The following AGBL4 variants were observed in gnomAD, a reference collection of about 807,000 sequenced individuals.
AGBL4 encodes the protein AGBL carboxypeptidase 4.
A neutral mutation model predicts 66.4 loss-of-function variants in AGBL4; 58 were observed. The observed-to-expected ratio is 0.87, with a 90% CI of 0.71 to 1.09. The LOEUF (loss-of-function observed/expected upper bound fraction) is 1.09. Among genes scored for constraint, AGBL4 ranks in the 50% least tolerant of loss-of-function variants. The pLI is 0.00. For missense variants in AGBL4, 579 were observed against 631.0 expected (o/e 0.92, Z 0.88); for synonymous variants, 234 against 222.9 (o/e 1.05, Z -0.44).
downstream of AGBL4, among the ~76,000 whole-genome samples, chr1:48,529,153 G>C (rs777241765): frequency 1.2e-4 from 18 of 151,952 alleles, no homozygotes; most frequent in Non-Finnish European, 2.5e-4. Context: ...ATAAAACCTA[G>C]GTCCCTGGCT....
intron 4 of AGBL4, among the ~76,000 whole-genome samples, chr1:49,206,935 G>A (rs1648194341): frequency 6.6e-6 from 1 of 150,404 alleles, no homozygotes; most frequent in South Asian, 2.1e-4. Flanking sequence ...TAGGAACCAG[G>A]TGGGCGGAAT....
intron 4 of AGBL4, among the ~76,000 whole-genome samples, chr1:49,179,576 T>G (rs920486364): frequency 6.6e-6 from 1 of 151,888 alleles, no homozygotes; most frequent in Non-Finnish European, 1.5e-5. Context: ...GGAGCAATAT[T>G]CAGAAGTCAA....
chr1:49,213,976 G>C (rs1648876873), intron 4 of AGBL4, among the ~76,000 whole-genome samples: 1 of 152,064 alleles, frequency 6.6e-6, no homozygotes, highest in Non-Finnish European at 1.5e-5. Context: ...AATTTACTTT[G>C]TATGCCAAGC....
At chr1:49,498,864 C>A (rs943904350) in intron 3 of AGBL4, among the ~76,000 whole-genome samples, 4 of 152,022 alleles carry the variant, frequency 2.6e-5, no homozygotes, top group Non-Finnish European at 4.4e-5. Flanking sequence ...CACGTTTATA[C>A]ATTTAAATTA....
rs147005224 is a variant in AGBL4, at chr1:49,604,607, C to T, written c.282+92706G>A. 3.2e-4 allele frequency among the ~76,000 whole-genome samples: 49 copies of T among 152,024 alleles called. No individual in the cohort carries two copies. In the East Asian group the frequency reaches 9.5e-3, roughly 29 times the overall value. On this transcript the variant is annotated intron_variant, in intron 3 of 13. Transcript: ENST00000371839. ...TCCCATTAATTTGTTCTGTTTTTGT[C>T]GCATTTGCTTTAGGGGTCTTAATTT...
downstream of AGBL4, among the ~76,000 whole-genome samples, chr1:48,530,603 C>T (rs558127359): frequency 6.6e-6 from 1 of 152,278 alleles, no homozygotes; most frequent in South Asian, 2.1e-4. Flanking sequence ...TCACCAACCT[C>T]CTCTGCTGGG....
At position 49,918,449 on chromosome 1, in the gene AGBL4, T is replaced by C. The variant is rs534341723; in HGVS notation, c.35-66931A>G. 3.5e-4 allele frequency among the ~76,000 whole-genome samples: 54 copies of C among 152,258 alleles called. No individual in the cohort carries two copies. The South Asian group carries it at 0.011, about 31-fold the overall frequency. On this transcript the variant is annotated intron_variant, in intron 1 of 13. Transcript: ENST00000371839. ...AATACAAACTACCATCAGAGAATAC[T>C]ATAAACACCTCTACGCAAATAAACT...
At chr1:48,878,056 C>A in intron 5 of AGBL4, among the ~76,000 whole-genome samples, 1 of 152,138 alleles carries the variant, frequency 6.6e-6, no homozygotes, top group South Asian at 2.1e-4. Context: ...TAATAGGATA[C>A]AATACAAAAT....
intron 2 of AGBL4, among the ~76,000 whole-genome samples, chr1:49,849,777 G>A (rs908327514): frequency 3.3e-5 from 5 of 152,222 alleles, no homozygotes; most frequent in South Asian, 2.1e-4. Context: ...AAGGATGGAA[G>A]AAGACTGCAG....
chr1:48,892,443 G>A (rs1651058299), intron 5 of AGBL4, among the ~76,000 whole-genome samples: 1 of 152,130 alleles, frequency 6.6e-6, no homozygotes, highest in Non-Finnish European at 1.5e-5. Flanking sequence ...AGCCACAGGG[G>A]GTCCTGATGA....
intron 6 of AGBL4, among the ~76,000 whole-genome samples, chr1:48,728,439 T>C (rs1647548794): frequency 6.6e-6 from 1 of 152,076 alleles, no homozygotes; most frequent in African/African-American, 2.4e-5. Flanking sequence ...ATTTTCCATT[T>C]TCAATCTTTT....
At chr1:49,903,856 G>T (rs1366571273) in intron 1 of AGBL4, among the ~76,000 whole-genome samples, 1 of 152,130 alleles carries the variant, frequency 6.6e-6, no homozygotes, top group Non-Finnish European at 1.5e-5. Context: ...GGTCTGATTA[G>T]CAGTCTCAAG....
intron 6 of AGBL4, among the ~76,000 whole-genome samples, chr1:48,860,764 C>G (rs1445109586): frequency 6.6e-6 from 1 of 152,106 alleles, no homozygotes; most frequent in African/African-American, 2.4e-5. Context: ...CTGCAAAAAC[C>G]ATCACACAGG....
At chr1:48,789,788 G>A (rs756507232) in intron 6 of AGBL4, among the ~76,000 whole-genome samples, 3 of 152,166 alleles carry the variant, frequency 2.0e-5, no homozygotes, top group Admixed American at 1.3e-4. Flanking sequence ...CACCAGCTCA[G>A]GAGACAGCTG....
intron 1 of AGBL4, among the ~76,000 whole-genome samples, chr1:49,923,211 T>C (rs1652440535): frequency 6.6e-6 from 1 of 152,100 alleles, no homozygotes; most frequent in Admixed American, 6.6e-5. Context: ...AAACAAGCAA[T>C]GGGGAAAGGA....
intron 4 of AGBL4, among the ~76,000 whole-genome samples, chr1:49,235,798 T>C (rs1310520099): frequency 6.6e-6 from 1 of 152,144 alleles, no homozygotes; most frequent in Non-Finnish European, 1.5e-5. Flanking sequence ...GAAAATCATC[T>C]AGAGTGGACA....
At chr1:49,519,914 T>G (rs1444507203) in intron 3 of AGBL4, among the ~76,000 whole-genome samples, 1 of 152,098 alleles carries the variant, frequency 6.6e-6, no homozygotes, top group Non-Finnish European at 1.5e-5. Flanking sequence ...TTCTTGCTGA[T>G]TTTTTAATGT....
At chr1:49,800,491 A>G (rs1163551242) in intron 2 of AGBL4, among the ~76,000 whole-genome samples, 1 of 117,468 alleles carries the variant, frequency 8.5e-6, no homozygotes, top group African/African-American at 3.3e-5. Context: ...CATTAGGTAT[A>G]TCTCCCAATG....
At chr1:48,550,649 C>T (rs1158842199) in intron 11 of AGBL4, among the ~76,000 whole-genome samples, 2 of 152,140 alleles carry the variant, frequency 1.3e-5, no homozygotes, top group African/African-American at 4.8e-5. Flanking sequence ...GCCTATTCCA[C>T]ACTGCCTGAG....
Sources: gnomAD v4.1 joint callset for allele counts (sites outside exome capture counted in the v4.1 genomes callset) on GRCh38, gnomAD v4.1.1 for gene constraint, MANE v1.5 for transcripts, NCBI Gene and HGNC (gene_info 2026-07-23, HGNC 2026-07-21) for gene names.